GTF3C2: variants seen among roughly 807,000 people sequenced by gnomAD.
The protein encoded by GTF3C2 is general transcription factor 3C polypeptide 2.
Under a neutral mutation model 117.4 loss-of-function variants are expected in GTF3C2, and 17 were observed. That is an observed-to-expected ratio of 0.14 (90% CI 0.10 to 0.22). GTF3C2 has a LOEUF of 0.22. Ranked by LOEUF, GTF3C2 falls within the 10% of genes least tolerant of loss-of-function variation. The pLI is 1.00. For synonymous variants in GTF3C2, 437 were observed against 427.0 expected, an observed-to-expected ratio of 1.02 and a Z score of -0.29; for missense variants, 888 against 1,143.6, an observed-to-expected ratio of 0.78 and a Z score of 3.22.
rs1160132657 is a variant in GTF3C2, at chr2:27,329,776, G to A, written c.1733-253C>T. ...GAATCTACAGTTGAAAAATGATAGG[G>A]TGAACACACCTAGTGCAGAGAGTAG... On this transcript the variant is annotated intron_variant, in intron 12 of 18. Coordinates refer to ENST00000264720, the Ensembl canonical transcript of GTF3C2. This position sits in a 1 kb window ranked among gnomAD's most constrained non-coding sequence, Gnocchi z 4.5. 6.6e-6 allele frequency among the ~76,000 whole-genome samples: 1 copy of A among 152,138 alleles called. No homozygotes were observed. Among genetic ancestry groups the A allele is most frequent in the Non-Finnish European group, 1.5e-5 (1 of 68,022 alleles).
chr2:27,337,336 G>A (rs753324970), exon 7 of GTF3C2: 103 of 1,606,394 alleles, frequency 6.4e-5, no homozygotes, highest in Non-Finnish European at 7.7e-5. Context: ...GGTAGGGAGC[G>A]GCCTCACTGG....
chr2:27,349,166 G>C (rs1407192624), intron 1 of GTF3C2, among the ~76,000 whole-genome samples: 1 of 63,826 alleles, frequency 1.6e-5, no homozygotes, highest in Non-Finnish European at 3.0e-5. Context: ...TTTTTTTTTT[G>C]AGACAGAGTC....
chr2:27,351,221 G>A (rs1681125075), intron 1 of GTF3C2, among the ~76,000 whole-genome samples: 1 of 152,072 alleles, frequency 6.6e-6, no homozygotes, highest in Non-Finnish European at 1.5e-5. Context: ...AGACCAGCTT[G>A]GCTAACATGG....
In GTF3C2 at chr2:27,326,706, GGA is replaced by G; in HGVS notation, c.2703_2704del (p.Pro902AsnfsTer20). ...AGTGGGCAGAAGGCGATGGCTGGTT[GGA>G]GAGAAGCCAGGCCGTCTAGTGGGGG... On this transcript the variant is annotated frameshift_variant, in exon 19 of 19. Transcript: ENST00000264720. LOFTEE classifies it high-confidence loss of function. 1.9e-6 allele frequency: 3 copies of G among 1,614,016 alleles called. No individual in the cohort carries two copies. Among genetic ancestry groups the G allele is most frequent in the Non-Finnish European group, 2.5e-6 (3 of 1,179,880 alleles).
intron 1 of GTF3C2, among the ~76,000 whole-genome samples, chr2:27,350,853 G>A (rs562410635): frequency 6.6e-6 from 1 of 151,890 alleles, no homozygotes; most frequent in East Asian, 1.9e-4. Flanking sequence ...GGAGGCTGAG[G>A]CAGGAGAATC....
At chr2:27,335,392 A>C (rs1488119969) in intron 10 of GTF3C2, 1 of 699,502 alleles carries the variant, frequency 1.4e-6, no homozygotes, top group Non-Finnish European at 2.7e-6. Context: ...GATAAAAGGA[A>C]ATGTGCTGAA....
intron 1 of GTF3C2, chr2:27,356,448 C>T: frequency 3.9e-6 from 1 of 255,450 alleles, no homozygotes; most frequent in South Asian, 4.3e-5. Flanking sequence ...TCGAGGGACG[C>T]TACGTATGCA....
At chr2:27,331,147 G>T (rs1680259809) in intron 12 of GTF3C2, among the ~76,000 whole-genome samples, 1 of 152,172 alleles carries the variant, frequency 6.6e-6, no homozygotes, top group Non-Finnish European at 1.5e-5. Flanking sequence ...TGGACTGGTA[G>T]AGGCACTCAA....
intron 1 of GTF3C2, among the ~76,000 whole-genome samples, chr2:27,345,936 G>C (rs1680902389): frequency 6.6e-6 from 1 of 150,912 alleles, no homozygotes; most frequent in Non-Finnish European, 1.5e-5. Context: ...GCTGGTCTTG[G>C]ACTCCTGACC....
At chr2:27,335,703 G>A (rs1680440846) in exon 10 of GTF3C2, 1 of 1,552,532 alleles carries the variant, frequency 6.4e-7, no homozygotes, top group Non-Finnish European at 8.7e-7. Context: ...GGCAGGAGAG[G>A]AGCCTAAAGG....
intron 17 of GTF3C2, 68 bp downstream of exon 17, chr2:27,327,969 G>T: frequency 7.5e-7 from 1 of 1,326,304 alleles, no homozygotes; most frequent in Non-Finnish European, 1.1e-6. Context: ...TCAGGCTTGC[G>T]TACTATACAA....
At chr2:27,350,460 C>T (rs982284639) in intron 1 of GTF3C2, 2 of 985,440 alleles carry the variant, frequency 2.0e-6, no homozygotes, top group Non-Finnish European at 2.4e-6. Context: ...GGAACAAGTG[C>T]TTATCAAACT....
chr2:27,336,695 A>C, intron 7 of GTF3C2: 1 of 383,938 alleles, frequency 2.6e-6, no homozygotes, highest in Non-Finnish European at 4.7e-6. Flanking sequence ...TGCAGCCGTG[A>C]CCTCCCAGGC....
chr2:27,349,221 C>T (rs1281847047), intron 1 of GTF3C2, among the ~76,000 whole-genome samples: 1 of 147,778 alleles, frequency 6.8e-6, no homozygotes, highest in African/African-American at 2.5e-5. Flanking sequence ...GATTTCGGCT[C>T]ACTGCAAGCT....
At chr2:27,342,758 C>T (rs1178270337) in intron 3 of GTF3C2, 68 bp downstream of exon 3, 1 of 1,206,952 alleles carries the variant, frequency 8.3e-7, no homozygotes. Flanking sequence ...CTTCTCTCTC[C>T]AACATCTGCC....
chr2:27,343,392 T>C, exon 2 of GTF3C2: 14 of 1,613,696 alleles, frequency 8.7e-6, no homozygotes, highest in Non-Finnish European at 1.1e-5. Context: ...GGCAAAGGGG[T>C]AGGTAATGAC....
intron 12 of GTF3C2, among the ~76,000 whole-genome samples, chr2:27,331,319 TA>T (rs1326934972): frequency 2.0e-5 from 3 of 152,174 alleles, no homozygotes; most frequent in Non-Finnish European, 4.4e-5. Flanking sequence ...TACTTATATC[TA>T]AAAACAACAC....
chr2:27,334,645 A>ATT (rs67035659), intron 10 of GTF3C2, among the ~76,000 whole-genome samples: 1 of 144,192 alleles, frequency 6.9e-6, no homozygotes, highest in African/African-American at 2.5e-5. Flanking sequence ...TCACAGCGAA[A>ATT]TTTTTTTTTT....
exon 16 of GTF3C2, chr2:27,328,501 T>C: frequency 6.2e-7 from 1 of 1,613,634 alleles, no homozygotes. Context: ...TGACATTTAT[T>C]GGATTCAGTG....
Sources: allele counts gnomAD v4.1 joint callset (sites outside exome capture counted in the v4.1 genomes callset), GRCh38; gene constraint gnomAD v4.1.1; non-coding constraint Gnocchi (gnomAD v3.1); transcripts MANE v1.5; gene names NCBI Gene and HGNC (gene_info 2026-07-23, HGNC 2026-07-21).